Variants in SREBF2 observed in about 807,000 individuals in gnomAD.
The protein encoded by SREBF2 is sterol regulatory element binding transcription factor 2, also known as sterol regulatory element-binding protein 2.
Under a neutral mutation model 113.1 loss-of-function variants are expected in SREBF2, and 55 were observed. The observed-to-expected ratio is 0.49, with a 90% confidence interval of 0.39 to 0.61. SREBF2 has a LOEUF of 0.61. Ranked by LOEUF, SREBF2 falls within the 20% of genes least tolerant of loss-of-function variation. SREBF2 has a pLI of 0.00. For missense variants in SREBF2, 1,349 were observed against 1,487.4 expected (o/e 0.91, Z 1.53); for synonymous variants, 593 against 605.7 (o/e 0.98, Z 0.31).
chr22:41,906,046 A>G lies in SREBF2; in HGVS notation c.*386A>G. ...TTTCTCTGGGGGACAGCAGTCTCTG[A>G]GCACCAGGGAGCAGTTGCCCTCAGG... On this transcript the variant is annotated 3_prime_UTR_variant, in exon 19 of 19. Transcript: ENST00000361204. 2.1e-6 allele frequency: 1 copy of G among 473,130 alleles called. No homozygotes were observed. Among genetic ancestry groups the G allele is most frequent in the South Asian group, 1.5e-5 (1 of 64,662 alleles). The allele number at this position is 473,130 out of a possible 1,614,324, so 29.3% of individuals were successfully genotyped here.
At chr22:41,900,994 T>A in intron 16 of SREBF2, 1 of 531,186 alleles carries the variant, frequency 1.9e-6, no homozygotes. Context: ...CCATGCAATG[T>A]TTCCACAGTG....
chr22:41,864,253 T>TAC (rs1231687095), intron 1 of SREBF2, among the ~76,000 whole-genome samples: 1 of 81,944 alleles, frequency 1.2e-5, no homozygotes, highest in Non-Finnish European at 2.5e-5. Flanking sequence ...TATATATATA[T>TAC]ATATATATAC....
In SREBF2 at chr22:41,899,452, C is replaced by G. The variant is rs889843502; in HGVS notation, c.2738+671C>G. On this transcript the variant is annotated intron_variant, in intron 15 of 18. Transcript: ENST00000361204. ...ATTCTAAGAGAAACTGTAAAATGCT[C>G]CAAGACAGAAAGGCCCCACGAGGTC... 7 of 996,004 alleles carry G rather than the reference C, an allele frequency of 7.0e-6. No individual in the cohort carries two copies. The Admixed American group carries it at 2.6e-4, about 38-fold the overall frequency. The allele number at this position is 996,004 out of a possible 1,614,324, so 61.7% of individuals were successfully genotyped here.
In SREBF2 at chr22:41,900,263, G is replaced by T. The variant is rs953334590; in HGVS notation, c.2739-67G>T. 1.6e-5 allele frequency: 25 copies of T among 1,588,968 alleles called. No individual in the cohort carries two copies. The East Asian group carries it at 5.7e-4, about 36-fold the overall frequency. ...GTGGGGCGTGGCAGTCACTGGCTTG[G>T]GCCCCTCTGCCTGTCACGCAGGTGA... On this transcript the variant is annotated intron_variant, in intron 15 of 18. Coordinates refer to ENST00000361204, the MANE Select transcript of SREBF2 (RefSeq NM_004599.4).
Position 41,906,687 on chromosome 22 carries a change from A to ATATC in SREBF2, c.*1029_*1032dup, listed in dbSNP as rs1314548859. 6.6e-6 allele frequency: 1 copy of ATATC among 152,262 alleles called. No individual in the cohort carries two copies. The highest frequency in any genetic ancestry group is 1.5e-5 in the Non-Finnish European group (1 of 68,080). The allele number at this position is 152,262 out of a possible 1,614,324, so 9.4% of individuals were successfully genotyped here. A position where few individuals can be genotyped will look rare whatever the true frequency, so the allele number is the denominator to read the frequency against. ...AAGTAACCCCATGGTAAGTTGAGGC[A>ATATC]TATCTGTATATATTTAAACCTAATT... On this transcript the variant is annotated 3_prime_UTR_variant, in exon 19 of 19. Transcript: ENST00000361204.
intron 1 of SREBF2, among the ~76,000 whole-genome samples, chr22:41,852,213 A>G (rs1267025822): frequency 6.6e-6 from 1 of 151,382 alleles, no homozygotes; most frequent in African/African-American, 2.4e-5. Flanking sequence ...AAAAAACCAG[A>G]AAAAAAAAGT....
chr22:41,857,353 TC>T (rs2076987006), intron 1 of SREBF2, among the ~76,000 whole-genome samples: 1 of 152,136 alleles, frequency 6.6e-6, no homozygotes, highest in Non-Finnish European at 1.5e-5. Flanking sequence ...AGCCTGGACT[TC>T]CACTGCTTTT....
intron 7 of SREBF2, among the ~76,000 whole-genome samples, chr22:41,876,297 C>T (rs936356920): frequency 3.9e-5 from 6 of 152,144 alleles, no homozygotes; most frequent in Non-Finnish European, 5.9e-5. Context: ...ATTTTGACTT[C>T]GGCAGTTTCT....
At chr22:41,889,649 A>G (rs889170360) in intron 11 of SREBF2, among the ~76,000 whole-genome samples, 1 of 151,528 alleles carries the variant, frequency 6.6e-6, no homozygotes, top group African/African-American at 2.4e-5. Flanking sequence ...CACACCTGTG[A>G]ATAGAGCCAC....
chr22:41,835,391 A>G (rs1185015046), intron 1 of SREBF2, among the ~76,000 whole-genome samples: 4 of 145,724 alleles, frequency 2.7e-5, no homozygotes, highest in Non-Finnish European at 6.0e-5. Flanking sequence ...GCTCACCGCA[A>G]CCTCCACCTC....
At chr22:41,844,032 A>G (rs2076854615) in intron 1 of SREBF2, among the ~76,000 whole-genome samples, 1 of 100,898 alleles carries the variant, frequency 9.9e-6, no homozygotes, top group Admixed American at 1.2e-4. Context: ...AAAAAAATAC[A>G]TACACACACA....
intron 11 of SREBF2, among the ~76,000 whole-genome samples, chr22:41,889,347 G>A (rs1274855522): frequency 6.6e-6 from 1 of 151,946 alleles, no homozygotes; most frequent in Non-Finnish European, 1.5e-5. Context: ...GGCTGGTCTC[G>A]AACTCCTGGG....
chr22:41,889,729 G>A (rs999102275), intron 11 of SREBF2, among the ~76,000 whole-genome samples: 4 of 151,636 alleles, frequency 2.6e-5, no homozygotes, highest in East Asian at 3.9e-4. Flanking sequence ...GGTTGGGCAC[G>A]GTGGCTCATA....
At chr22:41,864,393 T>C (rs952492143) in intron 1 of SREBF2, among the ~76,000 whole-genome samples, 7 of 145,900 alleles carry the variant, frequency 4.8e-5, no homozygotes, top group African/African-American at 1.8e-4. Flanking sequence ...CGATCTCTGC[T>C]CACTGCAAGC....
intron 7 of SREBF2, among the ~76,000 whole-genome samples, chr22:41,876,552 G>A (rs968720501): frequency 3.3e-5 from 5 of 152,198 alleles, no homozygotes; most frequent in Admixed American, 1.3e-4. Context: ...ACATTGGGGC[G>A]CAGGGGAGAT....
At chr22:41,837,646 G>A (rs1392903386) in intron 1 of SREBF2, among the ~76,000 whole-genome samples, 1 of 151,350 alleles carries the variant, frequency 6.6e-6, no homozygotes, top group Non-Finnish European at 1.5e-5. Flanking sequence ...ATCACCTGAG[G>A]TTGGGAGTTT....
chr22:41,853,085 C>G (rs2076947140), intron 1 of SREBF2, among the ~76,000 whole-genome samples: 1 of 152,170 alleles, frequency 6.6e-6, no homozygotes, highest in Admixed American at 6.5e-5. Flanking sequence ...TTTTGGAGTT[C>G]TAGGCAGGAC....
At position 41,884,873 on chromosome 22, in the gene SREBF2, T is replaced by G. The variant is rs764662400; in HGVS notation, c.2070T>G (p.Asp690Glu). Residue 690 changes from aspartate (D) to glutamate (E), a missense_variant, in exon 11 of 19, where the codon GAT (aspartate) becomes GAG (glutamate). Around this residue, in one of 2 missense-constraint regions of SREBF2, gnomAD observed 650 missense variants for 644.1 expected, o/e 1.01. Coordinates refer to ENST00000361204, the MANE Select transcript of SREBF2 (RefSeq NM_004599.4). ...GKLPAGSACS[D>E]VHMALCAVNL... ...TTCCTGCAGGATCCGCCTGTTCCGA[T>G]GTACACATGGCGTTGTGTGCCGTGA... The G allele has an allele frequency of 6.2e-7, 1 of 1,614,228 alleles. No homozygotes were observed. Among genetic ancestry groups the G allele is most frequent in the South Asian group, 1.1e-5 (1 of 91,088 alleles).
intron 1 of SREBF2, among the ~76,000 whole-genome samples, chr22:41,854,314 C>G (rs1008919533): frequency 1.8e-4 from 27 of 151,156 alleles, no homozygotes; most frequent in Non-Finnish European, 3.5e-4. Context: ...GGCACCCACC[C>G]CCACACTCAG....
Sources: gnomAD v4.1 joint callset for allele counts (sites outside exome capture counted in the v4.1 genomes callset) on GRCh38, gnomAD v4.1.1 for gene constraint, gnomAD v4.1.1 regional missense constraint, MANE v1.5 for transcripts, NCBI Gene and HGNC (gene_info 2026-07-23, HGNC 2026-07-21) for gene names.